Variants in MAP7D3 observed in about 807,000 individuals in gnomAD.
MAP7D3 encodes the protein MAP7 domain containing 3, also known as MAP7 domain-containing protein 3.
MAP7D3 carries 45 observed loss-of-function variants against 62.2 expected under a neutral mutation model. That is an observed-to-expected ratio of 0.72 (90% CI 0.57 to 0.93). The LOEUF (loss-of-function observed/expected upper bound fraction) is 0.93, where lower values mean the gene tolerates loss of function less well. Among genes scored for constraint, MAP7D3 ranks in the 40% least tolerant of loss-of-function variants. The pLI, the probability that MAP7D3 is intolerant of heterozygous loss-of-function variation, is 0.00. For synonymous variants in MAP7D3, 288 were observed against 248.8 expected, an observed-to-expected ratio of 1.16 and a Z score of -1.48; for missense variants, 711 against 683.1, an observed-to-expected ratio of 1.04 and a Z score of -0.45.
Position 136,225,990 on chromosome X carries a change from A to G in MAP7D3, c.2058T>C (p.Ala686=), listed in dbSNP as rs2074191880. 3 of 1,198,064 alleles carry G rather than the reference A, an allele frequency of 2.5e-6. No individual in the cohort carries two copies. Among genetic ancestry groups the G allele is most frequent in the African/African-American group, 1.8e-5 (1 of 56,536 alleles). Residue 686 remains alanine (A), a synonymous_variant, in exon 13 of 19, where the codon GCT becomes GCC. Coordinates refer to ENST00000316077, the MANE Select transcript of MAP7D3 (RefSeq NM_024597.4). ...TCTTGCGTTTGTCAGCTTCCTCTTGAGCTTTTATTTTGGCGTCCCCTTTCT... is the reference window on the plus strand; with the variant it reads ...TCTTGCGTTTGTCAGCTTCCTCTTGGGCTTTTATTTTGGCGTCCCCTTTCT... ...PLQKGDAKIK[A]QEEADKRKKE... is the part of the protein sequence containing the mutation.
In MAP7D3 at chrX:136,230,822, G is replaced by C; in HGVS notation, c.1541+17C>G. 1 of 1,198,337 alleles carries C rather than the reference G, an allele frequency of 8.3e-7. No homozygotes were observed. ...AGTAAAACGCCTATCAGGAACAGTT[G>C]CGAATAAGCTGCTTACTTAGTGCTG... On this transcript the variant is annotated intron_variant, in intron 9 of 18. Coordinates refer to ENST00000316077, the MANE Select transcript of MAP7D3 (RefSeq NM_024597.4).
chrX:136,232,743 C>T (rs1476677221), intron 7 of MAP7D3, among the ~76,000 whole-genome samples: 4 of 111,928 alleles, frequency 3.6e-5, no homozygotes, highest in Admixed American at 9.5e-5. Context: ...GTTGGATCTC[C>T]AAGGTCCTTT....
In MAP7D3 at chrX:136,220,756, G is replaced by A; in HGVS notation, c.2486+9C>T. 8.4e-7 allele frequency: 1 copy of A among 1,194,262 alleles called. No individual in the cohort carries two copies. Among genetic ancestry groups the A allele is most frequent in the Non-Finnish European group, 1.1e-6 (1 of 880,184 alleles). On this transcript the variant is annotated intron_variant, in intron 16 of 18. Transcript: ENST00000316077. ...AAGTTTATTTAGATAAGCTGGCTAA[G>A]TGACTCACCTTGAAACTACTTCCTG...
intron 6 of MAP7D3, among the ~76,000 whole-genome samples, chrX:136,237,730 T>A (rs2074345534): frequency 9.0e-6 from 1 of 111,663 alleles, no homozygotes. Context: ...GTCCCTTCTC[T>A]TTTTTTTATT....
chrX:136,242,422 G>A (rs1042458578), intron 4 of MAP7D3, among the ~76,000 whole-genome samples: 4 of 109,792 alleles, frequency 3.6e-5, no homozygotes, highest in African/African-American at 1.3e-4. Flanking sequence ...TACACCTCCT[G>A]TCCACACTCA....
At chrX:136,252,690 A>G (rs1357189875), upstream of MAP7D3, among the ~76,000 whole-genome samples, 1 of 73,464 alleles carries the variant, frequency 1.4e-5, no homozygotes, top group Non-Finnish European at 3.0e-5. Flanking sequence ...AAAAAAAAAA[A>G]AAAAAAAAAG....
chrX:136,237,288 C>T (rs1335923677), intron 6 of MAP7D3, among the ~76,000 whole-genome samples: 3 of 112,104 alleles, frequency 2.7e-5, no homozygotes, highest in Admixed American at 9.4e-5. Flanking sequence ...GTGATTAAGT[C>T]GGTATCCTTC....
At chrX:136,216,287 G>C (rs1269916186), downstream of MAP7D3, among the ~76,000 whole-genome samples, 1 of 100,783 alleles carries the variant, frequency 9.9e-6, no homozygotes, top group East Asian at 3.1e-4. Context: ...CACTTTTGGA[G>C]GCTGAGGCAG....
chrX:136,241,359 T>C (rs1282088086), intron 4 of MAP7D3, 82 bp from the exon 5 acceptor site: 3 of 546,194 alleles, frequency 5.5e-6, no homozygotes, highest in African/African-American at 2.4e-5. Flanking sequence ...AAATAAACCA[T>C]AACCAAATTT....
chrX:136,250,951 C>G (rs368526617), intron 1 of MAP7D3, among the ~76,000 whole-genome samples: 1 of 111,454 alleles, frequency 9.0e-6, no homozygotes, highest in East Asian at 2.9e-4. Context: ...TCCGCGGGGT[C>G]CGGCTTCCAG....
downstream of MAP7D3, among the ~76,000 whole-genome samples, chrX:136,216,359 T>TAAAAAAAAAA (rs58245551): frequency 1.1e-3 from 29 of 25,312 alleles, no homozygotes; most frequent in Admixed American, 1.5e-3. Flanking sequence ...ACCCTATCTC[T>TAAAAAAAAAA]AAAAAAAAAA....
At chrX:136,229,200 T>A (rs1479682936) in intron 10 of MAP7D3, among the ~76,000 whole-genome samples, 1 of 111,796 alleles carries the variant, frequency 8.9e-6, no homozygotes, top group African/African-American at 3.3e-5. Context: ...ACTATTTAGC[T>A]AAACCTTGAT....
intron 10 of MAP7D3, 88 bp downstream of exon 10, chrX:136,230,297 A>G (rs1789646326): frequency 9.2e-6 from 5 of 541,064 alleles, no homozygotes; most frequent in South Asian, 3.1e-5. Context: ...AGTTCTCTCA[A>G]TTGGGGAATA....
intron 12 of MAP7D3, among the ~76,000 whole-genome samples, 194 bp from the exon 13 acceptor site, chrX:136,226,207 G>C (rs768116454): frequency 9.0e-6 from 1 of 110,952 alleles, no homozygotes; most frequent in South Asian, 3.9e-4. Context: ...CACAAAGCTA[G>C]GCTAAATGTT....
intron 6 of MAP7D3, among the ~76,000 whole-genome samples, chrX:136,239,191 G>A (rs1362549049): frequency 9.0e-6 from 1 of 111,594 alleles, no homozygotes; most frequent in Non-Finnish European, 1.9e-5. Context: ...AATTATCAGT[G>A]AGAGGCACCA....
intron 14 of MAP7D3, among the ~76,000 whole-genome samples, chrX:136,224,052 C>CAAAA (rs59789059): frequency 9.4e-5 from 1 of 10,680 alleles, no homozygotes; most frequent in Non-Finnish European, 1.7e-4. Flanking sequence ...ACTCTTATCT[C>CAAAA]AAAAAAAAAA....
At chrX:136,246,978 A>G (rs1182937004) in intron 1 of MAP7D3, among the ~76,000 whole-genome samples, 1 of 112,518 alleles carries the variant, frequency 8.9e-6, no homozygotes, top group East Asian at 2.8e-4. Context: ...GGGCCCAGGC[A>G]TCTACAATTG....
At chrX:136,216,325 G>A (rs1218497237), downstream of MAP7D3, among the ~76,000 whole-genome samples, 4 of 64,631 alleles carry the variant, frequency 6.2e-5, no homozygotes, top group Non-Finnish European at 1.0e-4. Context: ...AGGAGTGCAA[G>A]ACCAGCCTAG....
In MAP7D3 at chrX:136,243,443, G is replaced by A. The variant is rs141671833; in HGVS notation, c.417+1189C>T. 4.8e-3 allele frequency among the ~76,000 whole-genome samples: 532 copies of A among 111,997 alleles called. 3 individuals carry two copies. The highest frequency in any genetic ancestry group is 0.016 in the African/African-American group (509 of 30,870). ...TAATAGGCTGGGCACAGTGGCTCAC[G>A]CCTGTAATCCCAGCACTTTGGGAGG... On this transcript the variant is annotated intron_variant, in intron 4 of 18. Transcript: ENST00000316077.
Sources: gnomAD v4.1 joint callset for allele counts (sites outside exome capture counted in the v4.1 genomes callset) on GRCh38, gnomAD v4.1.1 for gene constraint, MANE v1.5 for transcripts, NCBI Gene and HGNC (gene_info 2026-07-23, HGNC 2026-07-21) for gene names.